Variants in DGKH observed in about 807,000 individuals in gnomAD.
DGKH encodes the protein diacylglycerol kinase eta.
DGKH carries 90 observed loss-of-function variants against 159.3 expected under a neutral mutation model. The observed-to-expected ratio is 0.57, with a 90% CI of 0.48 to 0.67. The LOEUF (loss-of-function observed/expected upper bound fraction) is 0.67, where lower values mean the gene tolerates loss of function less well. Among genes scored for constraint, DGKH ranks in the 30% least tolerant of loss-of-function variants. DGKH has a pLI of 0.00. For synonymous variants in DGKH, 536 were observed against 553.8 expected (o/e 0.97, Z 0.45); for missense variants, 1,181 against 1,506.1 (o/e 0.78, Z 3.57).
At chr13:42,224,067 A>AT (rs1191950437) in intron 29 of DGKH, among the ~76,000 whole-genome samples, 1 of 152,182 alleles carries the variant, frequency 6.6e-6, no homozygotes, top group Non-Finnish European at 1.5e-5. Flanking sequence ...TGCAAAAGAC[A>AT]TGTTTTCATT....
chr13:42,252,910 G>T (rs1342228080), intron 30 of DGKH, among the ~76,000 whole-genome samples: 2 of 152,004 alleles, frequency 1.3e-5, no homozygotes, highest in African/African-American at 4.8e-5. Flanking sequence ...ACCATGCCTG[G>T]CTAATTTTTG....
At chr13:42,159,242 C>CTGTTTTTTTTTTTTTTTTTTTTTTTTTT in intron 5 of DGKH, 24 bp from the exon 6 acceptor site, 2 of 159,044 alleles carry the variant, frequency 1.3e-5, no homozygotes, top group Non-Finnish European at 2.0e-5. Flanking sequence ...AAAGCAGTTG[C>CTGTTTTTTTTTTTTTTTTTTTTTTTTTT]TCTTTTTTTT....
intron 1 of DGKH, among the ~76,000 whole-genome samples, chr13:42,108,361 G>T (rs945714468): frequency 6.6e-6 from 1 of 152,158 alleles, no homozygotes; most frequent in Non-Finnish European, 1.5e-5. Flanking sequence ...GGGAGTTCTG[G>T]GGTTCCTAAG....
At chr13:42,078,771 A>G (rs1371959857) in intron 1 of DGKH, among the ~76,000 whole-genome samples, 1 of 152,214 alleles carries the variant, frequency 6.6e-6, no homozygotes, top group Non-Finnish European at 1.5e-5. Context: ...CTATGCATAT[A>G]GACAGATAGA....
chr13:42,141,105 AT>A (rs1955546340), intron 3 of DGKH, among the ~76,000 whole-genome samples: 1 of 128,938 alleles, frequency 7.8e-6, no homozygotes, highest in Non-Finnish European at 1.6e-5. Context: ...TCCTGTGTCC[AT>A]GTGTTCTCAT....
chr13:42,125,698 C>G (rs1223183117), intron 1 of DGKH, among the ~76,000 whole-genome samples: 1 of 152,154 alleles, frequency 6.6e-6, no homozygotes, highest in Non-Finnish European at 1.5e-5. Flanking sequence ...AATATTAACT[C>G]AACTTAACTG....
At position 42,165,871 on chromosome 13, in the gene DGKH, A is replaced by G. The variant is rs1195669370; in HGVS notation, c.958+438A>G. Among the ~76,000 whole-genome samples, 7 of 152,270 alleles carry G rather than the reference A, an allele frequency of 4.6e-5. No individual in the cohort carries two copies. In the South Asian group the frequency reaches 1.2e-3, roughly 27 times the overall value. On this transcript the variant is annotated intron_variant, in intron 8 of 29. Transcript: ENST00000337343. ...TCCCAAAATCTTACAACTTAACTCT[A>G]AAGTGCTGAGGAACCCCTCTACAAC... is the stretch of plus-strand genomic sequence containing the variant.
At position 42,052,086 on chromosome 13, in the gene DGKH, G is replaced by GT. The variant is rs1359629442; in HGVS notation, c.192+3127dup. On this transcript the variant is annotated intron_variant, in intron 1 of 29. Coordinates refer to ENST00000337343, the MANE Select transcript of DGKH (RefSeq NM_178009.5). ...AATCTAATATGTCATCATTTAACCAGTTTTTTGCAGAAGTAAATATGGGTT... is the reference window on the plus strand; with the variant it reads ...AATCTAATATGTCATCATTTAACCAGTTTTTTTGCAGAAGTAAATATGGGTT... 2.0e-5 allele frequency among the ~76,000 whole-genome samples: 3 copies of GT among 152,178 alleles called. No homozygotes were observed. The East Asian group carries it at 5.8e-4, about 29-fold the overall frequency.
intron 1 of DGKH, among the ~76,000 whole-genome samples, chr13:42,114,650 C>G (rs749877956): frequency 6.6e-6 from 1 of 152,090 alleles, no homozygotes; most frequent in African/African-American, 2.4e-5. Flanking sequence ...AAGATAAGAT[C>G]GGTGTTCTAA....
intron 1 of DGKH, among the ~76,000 whole-genome samples, chr13:42,087,044 AACACACACACAC>A (rs71298957): frequency 2.4e-4 from 33 of 140,088 alleles, no homozygotes; most frequent in Non-Finnish European, 3.8e-4. Context: ...CCAGAAGGAA[AACACACACACAC>A]ACACACACAC....
At chr13:42,189,927 C>T (rs1050041754) in intron 15 of DGKH, among the ~76,000 whole-genome samples, 18 of 152,228 alleles carry the variant, frequency 1.2e-4, no homozygotes, top group Non-Finnish European at 2.9e-5. Context: ...CTCAGCCTCC[C>T]GAAGTGCTGG....
chr13:42,221,631 T>C (rs552402120), intron 29 of DGKH, among the ~76,000 whole-genome samples: 1 of 152,342 alleles, frequency 6.6e-6, no homozygotes, highest in Non-Finnish European at 1.5e-5. Flanking sequence ...CTTAGTAATT[T>C]TTCTCTGCAT....
intron 29 of DGKH, among the ~76,000 whole-genome samples, chr13:42,248,235 A>G (rs1235956243): frequency 6.6e-6 from 1 of 152,134 alleles, no homozygotes; most frequent in Non-Finnish European, 1.5e-5. Context: ...CAGCATGGCC[A>G]ACATAGTGAA....
At chr13:42,206,205 TTG>T in intron 21 of DGKH, 59 bp downstream of exon 21, 1 of 1,191,994 alleles carries the variant, frequency 8.4e-7, no homozygotes, top group Non-Finnish European at 1.1e-6. Flanking sequence ...CTGGAATAAT[TTG>T]CTTTTGTAAA....
chr13:42,220,129 T>C (rs983073295), intron 28 of DGKH, among the ~76,000 whole-genome samples: 2 of 152,246 alleles, frequency 1.3e-5, no homozygotes, highest in African/African-American at 4.8e-5. Context: ...CAGATGGTTC[T>C]TTCTCAACAG....
At chr13:42,162,969 A>G (rs1293689227) in intron 7 of DGKH, among the ~76,000 whole-genome samples, 3 of 150,780 alleles carry the variant, frequency 2.0e-5, no homozygotes, top group African/African-American at 4.9e-5. Flanking sequence ...CCATTAACTC[A>G]TCATTTAGCA....
chr13:42,142,984 A>AG (rs1403149608), intron 3 of DGKH, among the ~76,000 whole-genome samples: 2 of 152,214 alleles, frequency 1.3e-5, no homozygotes, highest in Non-Finnish European at 1.5e-5. Flanking sequence ...CAGTTTTCAA[A>AG]GGGAATGCTT....
chr13:42,209,207 C>T (rs1347230518), intron 22 of DGKH, 124 bp from the exon 23 acceptor site: 49 of 1,397,226 alleles, frequency 3.5e-5, no homozygotes, highest in Non-Finnish European at 1.8e-5. Context: ...TTTACCATGT[C>T]ATTTATAAGT....
At position 42,221,256 on chromosome 13, in the gene DGKH, T is replaced by G; in HGVS notation, c.3443-8T>G. On this transcript the variant is annotated splice_region_variant and splice_polypyrimidine_tract_variant and intron_variant, in intron 28 of 29. Coordinates refer to ENST00000337343, the MANE Select transcript of DGKH (RefSeq NM_178009.5). ...AAATTAAGGGGGTTTTGCTCTTAACTTTGGTAGTTCAGAAATGGGGCACAG... is the reference window on the plus strand; with the variant it reads ...AAATTAAGGGGGTTTTGCTCTTAACGTTGGTAGTTCAGAAATGGGGCACAG... 6.2e-7 allele frequency: 1 copy of G among 1,613,096 alleles called. No individual in the cohort carries two copies. The highest frequency in any genetic ancestry group is 8.5e-7 in the Non-Finnish European group (1 of 1,179,344).
Sources: gnomAD v4.1 joint callset for allele counts (sites outside exome capture counted in the v4.1 genomes callset) on GRCh38, gnomAD v4.1.1 for gene constraint, MANE v1.5 for transcripts, NCBI Gene and HGNC (gene_info 2026-07-23, HGNC 2026-07-21) for gene names.